B3GALT1: variants seen among roughly 807,000 people sequenced by gnomAD.
The protein encoded by B3GALT1 is beta-1,3-galactosyltransferase 1.
In B3GALT1, 10 loss-of-function variants were observed where a neutral mutation model predicts 23.2. The ratio of observed to expected loss-of-function variants is 0.43; its 90% CI spans 0.27 to 0.73. The LOEUF is 0.73. Ranked by LOEUF, B3GALT1 falls within the 30% of genes least tolerant of loss-of-function variation. B3GALT1 has a pLI of 0.21. For synonymous variants in B3GALT1, 156 were observed against 141.5 expected (o/e 1.10, Z -0.73); for missense variants, 299 against 405.4 (o/e 0.74, Z 2.25).
intron 2 of B3GALT1, among the ~76,000 whole-genome samples, chr2:167,610,910 C>CAA (rs67057122): frequency 0.58 from 52,562 of 91,312 alleles, 15,623 homozygotes; most frequent in East Asian, 0.7. Flanking sequence ...TTTATTTGTA[C>CAA]AAAAAAAAAA....
intron 1 of B3GALT1, among the ~76,000 whole-genome samples, chr2:167,401,293 A>G (rs1698185134): frequency 6.6e-6 from 1 of 152,120 alleles, no homozygotes; most frequent in Non-Finnish European, 1.5e-5. Flanking sequence ...CTAAATTTTC[A>G]GCTCAATTGG....
chr2:167,849,116 G>A (rs2105412538), intron 4 of B3GALT1, among the ~76,000 whole-genome samples: 1 of 152,260 alleles, frequency 6.6e-6, no homozygotes, highest in South Asian at 2.1e-4. Context: ...TCATGATCAT[G>A]GATGGGTAGA....
intron 3 of B3GALT1, among the ~76,000 whole-genome samples, chr2:167,704,984 G>A (rs1043488450): frequency 5.9e-5 from 9 of 152,094 alleles, no homozygotes; most frequent in South Asian, 2.1e-4. Context: ...TGAGTTACTC[G>A]CCATAAATCT....
chr2:167,299,824 A>G (rs1261555126), intron 1 of B3GALT1, among the ~76,000 whole-genome samples: 1 of 151,214 alleles, frequency 6.6e-6, no homozygotes, highest in African/African-American at 2.4e-5. Context: ...CTCTCCATAT[A>G]TATGTATTAT....
intron 1 of B3GALT1, among the ~76,000 whole-genome samples, chr2:167,298,950 A>G (rs1460547346): frequency 6.6e-6 from 1 of 152,178 alleles, no homozygotes; most frequent in Non-Finnish European, 1.5e-5. Flanking sequence ...AAACAATTAA[A>G]AACCTCTTTC....
At chr2:167,607,271 A>G (rs897155451) in intron 2 of B3GALT1, among the ~76,000 whole-genome samples, 1 of 152,188 alleles carries the variant, frequency 6.6e-6, no homozygotes, top group Non-Finnish European at 1.5e-5. Flanking sequence ...ATGTAATGCT[A>G]TCGTTTTCCT....
At chr2:167,464,646 T>G (rs1559105375) in intron 1 of B3GALT1, among the ~76,000 whole-genome samples, 2 of 152,170 alleles carry the variant, frequency 1.3e-5, no homozygotes, top group Admixed American at 6.5e-5. Context: ...CTTTTCTGAT[T>G]ATTAGTTGAG....
At chr2:167,645,483 A>G (rs1025389256) in intron 2 of B3GALT1, among the ~76,000 whole-genome samples, 7 of 152,004 alleles carry the variant, frequency 4.6e-5, no homozygotes, top group African/African-American at 1.7e-4. Flanking sequence ...CTAAATTGTC[A>G]ACACATCTCA....
At chr2:167,727,346 C>T (rs951262038) in intron 3 of B3GALT1, among the ~76,000 whole-genome samples, 1 of 152,106 alleles carries the variant, frequency 6.6e-6, no homozygotes, top group Non-Finnish European at 1.5e-5. Flanking sequence ...ACTTGGCCAG[C>T]CAACTAGTTA....
At chr2:167,419,049 G>T (rs1698510192) in intron 1 of B3GALT1, among the ~76,000 whole-genome samples, 1 of 152,012 alleles carries the variant, frequency 6.6e-6, no homozygotes, top group Non-Finnish European at 1.5e-5. Context: ...TACTATACCA[G>T]AAAAAAATAT....
At chr2:167,462,111 A>G (rs942275658) in intron 1 of B3GALT1, among the ~76,000 whole-genome samples, 2 of 152,252 alleles carry the variant, frequency 1.3e-5, no homozygotes, top group African/African-American at 4.8e-5. Flanking sequence ...CAATAAAAAT[A>G]CTATAGACAT....
intron 1 of B3GALT1, among the ~76,000 whole-genome samples, chr2:167,476,315 A>G (rs763579433): frequency 4.3e-4 from 66 of 152,196 alleles, no homozygotes; most frequent in Admixed American, 1.8e-3. Context: ...GATTTGGGAC[A>G]GCTAAAAGTA....
At chr2:167,523,614 G>A (rs998985049) in intron 2 of B3GALT1, among the ~76,000 whole-genome samples, 2 of 151,948 alleles carry the variant, frequency 1.3e-5, no homozygotes, top group Admixed American at 6.6e-5. Flanking sequence ...TAGTAAAGAC[G>A]GGGTTTCACC....
intron 2 of B3GALT1, among the ~76,000 whole-genome samples, chr2:167,518,327 CT>C (rs1434621099): frequency 6.6e-6 from 1 of 152,090 alleles, no homozygotes. Flanking sequence ...ATTCAAACTA[CT>C]CATTTTATTC....
At chr2:167,500,092 G>C (rs1182824944) in intron 2 of B3GALT1, among the ~76,000 whole-genome samples, 2 of 151,980 alleles carry the variant, frequency 1.3e-5, no homozygotes, top group African/African-American at 4.8e-5. Flanking sequence ...GAATTTTTCT[G>C]AGAAAAACAT....
intron 3 of B3GALT1, among the ~76,000 whole-genome samples, chr2:167,771,088 C>T (rs2105308423): frequency 6.6e-6 from 1 of 152,290 alleles, no homozygotes; most frequent in Middle Eastern, 3.4e-3. Context: ...GCTGTATGTC[C>T]TTGGGCAGGA....
intron 4 of B3GALT1, among the ~76,000 whole-genome samples, chr2:167,841,668 G>A (rs1049491509): frequency 1.3e-5 from 2 of 152,178 alleles, no homozygotes; most frequent in African/African-American, 2.4e-5. Flanking sequence ...TAAGGAGCAC[G>A]TTCCAGGCTG....
chr2:167,395,265 A>C (rs1467951062), intron 1 of B3GALT1, among the ~76,000 whole-genome samples: 1 of 152,068 alleles, frequency 6.6e-6, no homozygotes, highest in South Asian at 2.1e-4. Context: ...GGCTAAAGGA[A>C]CTATCAAAAG....
chr2:167,758,099 T>A (rs1687844978), intron 3 of B3GALT1, among the ~76,000 whole-genome samples: 1 of 152,182 alleles, frequency 6.6e-6, no homozygotes, highest in African/African-American at 2.4e-5. Context: ...GGTTTTTGGT[T>A]TTTTTAGGCT....
Sources: allele counts gnomAD v4.1 joint callset (sites outside exome capture counted in the v4.1 genomes callset), GRCh38; gene constraint gnomAD v4.1.1; transcripts MANE v1.5; gene names NCBI Gene and HGNC (gene_info 2026-07-23, HGNC 2026-07-21).